Variants in DGKG observed in about 807,000 individuals in gnomAD.
DGKG encodes the protein diacylglycerol kinase gamma.
A neutral mutation model predicts 105.3 loss-of-function variants in DGKG; 78 were observed. The ratio of observed to expected loss-of-function variants is 0.74; its 90% CI spans 0.62 to 0.89. The LOEUF is 0.89. Ranked by LOEUF, DGKG falls within the 40% of genes least tolerant of loss-of-function variation. The pLI is 0.00. For missense variants in DGKG, 958 were observed against 1,020.1 expected (o/e 0.94, Z 0.83); for synonymous variants, 346 against 367.1 (o/e 0.94, Z 0.66).
chr3:186,257,906 A>G lies in DGKG; in HGVS notation c.1458T>C (p.Arg486=). 1 of 1,614,126 alleles carries G rather than the reference A, an allele frequency of 6.2e-7. No individual in the cohort carries two copies. The highest frequency in any genetic ancestry group is 8.5e-7 in the Non-Finnish European group (1 of 1,180,006). The change falls in exon 17 of 25, where the codon CGT becomes CGC. Residue 486 remains arginine, a synonymous_variant. Transcript: ENST00000265022. Reference sequence around the variant, plus strand: ...TCCCATCTCCACCACAGGCCAAAACACGGAAGTCTGGAGTATCACGGAAAA... The same window carrying G: ...TCCCATCTCCACCACAGGCCAAAACGCGGAAGTCTGGAGTATCACGGAAAA... ...LNFFRDTPDF[R]VLACGGDGTV...
chr3:186,150,024 TGTGTGTGA>T lies in DGKG; in HGVS notation c.*58_*65del. On this transcript the variant is annotated 3_prime_UTR_variant, in exon 25 of 25. Coordinates refer to ENST00000265022, the MANE Select transcript of DGKG (RefSeq NM_001346.3). ...TGCATGTGTGAGTGTGCACATAAAT[TGTGTGTGA>T]GTGTGCATTATAGTTTCTTGCTTTC... 6.4e-7 allele frequency: 1 copy of T among 1,553,356 alleles called. No homozygotes were observed. The highest frequency in any genetic ancestry group is 8.7e-7 in the Non-Finnish European group (1 of 1,148,206).
chr3:186,148,633 G>A lies in DGKG; in HGVS notation c.*1457C>T. 1.0e-6 allele frequency: 1 copy of A among 985,318 alleles called. No individual in the cohort carries two copies. Among genetic ancestry groups the A allele is most frequent in the Non-Finnish European group, 1.2e-6 (1 of 829,926 alleles). 61.0% of individuals were successfully genotyped at this position (985,318 alleles called of 1,614,324 possible). A position where few individuals can be genotyped will look rare whatever the true frequency, so the allele number is the denominator to read the frequency against. On this transcript the variant is annotated 3_prime_UTR_variant, in exon 25 of 25. Transcript: ENST00000265022. The stretch of plus-strand genomic sequence containing the variant: ...TCTTTGTAACGGCACCTACTCTCAA[G>A]CTGCATTAGCCAAGACACCATGGAA...
intron 20 of DGKG, among the ~76,000 whole-genome samples, chr3:186,235,162 C>T (rs762117124): frequency 3.3e-5 from 5 of 152,282 alleles, no homozygotes; most frequent in Middle Eastern, 3.4e-3. Context: ...GTAATTAAGT[C>T]AGTTGCTCTG....
chr3:186,301,251 T>TTGG (rs1356175995), intron 3 of DGKG, among the ~76,000 whole-genome samples: 1 of 152,214 alleles, frequency 6.6e-6, no homozygotes, highest in East Asian at 1.9e-4. Flanking sequence ...TGTCCATCTG[T>TTGG]TGGTCCTCCC....
chr3:186,245,974 A>AT (rs1720922925), intron 19 of DGKG, among the ~76,000 whole-genome samples: 1 of 152,132 alleles, frequency 6.6e-6, no homozygotes, highest in Non-Finnish European at 1.5e-5. Context: ...CAATTTTTAA[A>AT]TTTTTTTATT....
chr3:186,328,575 C>CTTTTTTTTTTTTTTTTT (rs34252507), intron 1 of DGKG, among the ~76,000 whole-genome samples: 2 of 141,124 alleles, frequency 1.4e-5, no homozygotes, highest in African/African-American at 2.6e-5. Context: ...CTACACCATT[C>CTTTTTTTTTTTTTTTTT]TTTTTTTTTT....
chr3:186,242,179 G>T (rs146419068), intron 20 of DGKG, among the ~76,000 whole-genome samples: 1 of 152,338 alleles, frequency 6.6e-6, no homozygotes, highest in East Asian at 1.9e-4. Context: ...GGAAGCAGCA[G>T]AGACTCAGGA....
At chr3:186,336,125 G>C (rs1246235130) in intron 1 of DGKG, among the ~76,000 whole-genome samples, 3 of 152,120 alleles carry the variant, frequency 2.0e-5, no homozygotes, top group Non-Finnish European at 2.9e-5. Flanking sequence ...ATACACAGTG[G>C]TACGGTATAA....
intron 21 of DGKG, among the ~76,000 whole-genome samples, chr3:186,209,257 A>C (rs1169563372): frequency 6.6e-6 from 1 of 151,778 alleles, no homozygotes; most frequent in African/African-American, 2.4e-5. Flanking sequence ...CCCACCACCC[A>C]CACCTGGCTA....
chr3:186,163,793 A>G (rs1256826811), intron 23 of DGKG, among the ~76,000 whole-genome samples: 2 of 152,104 alleles, frequency 1.3e-5, no homozygotes, highest in East Asian at 3.9e-4. Flanking sequence ...TGTGGTCTTC[A>G]TAAGTTATGG....
At chr3:186,347,189 C>T (rs1726377344) in intron 1 of DGKG, among the ~76,000 whole-genome samples, 1 of 151,990 alleles carries the variant, frequency 6.6e-6, no homozygotes, top group South Asian at 2.1e-4. Context: ...CGGCTCACCC[C>T]CGTAATCCTA....
rs1350511922 is a variant in DGKG at position 186,267,669 on chromosome 3, G to A, written c.1209+16C>T. ...CCCGGAGAAGCTACAGCCCTCGCCG[G>A]GGCAGGAGCACTTACCCGGGTGATG... On this transcript the variant is annotated intron_variant, in intron 13 of 24. Coordinates refer to ENST00000265022, the MANE Select transcript of DGKG (RefSeq NM_001346.3). 6.2e-7 allele frequency: 1 copy of A among 1,610,388 alleles called. No individual in the cohort carries two copies. Among genetic ancestry groups the A allele is most frequent in the East Asian group, 2.2e-5 (1 of 44,860 alleles).
At chr3:186,339,940 A>G (rs1726010021) in intron 1 of DGKG, among the ~76,000 whole-genome samples, 1 of 152,216 alleles carries the variant, frequency 6.6e-6, no homozygotes, top group African/African-American at 2.4e-5. Flanking sequence ...CATCTGGAAA[A>G]TGGGAATAGT....
intron 3 of DGKG, among the ~76,000 whole-genome samples, chr3:186,302,360 T>C (rs1186270789): frequency 1.3e-5 from 2 of 151,342 alleles, no homozygotes; most frequent in East Asian, 1.9e-4. Flanking sequence ...CATCAACTAC[T>C]ATGGGATCCA....
chr3:186,149,999 T>A lies in DGKG; in HGVS notation c.*91A>T, dbSNP rs1715680407. ...AAGAGTGTGTATGTGTGTGTGTGTGTGCATGTGTGAGTGTGCACATAAATT... is the reference window on the plus strand; with the variant it reads ...AAGAGTGTGTATGTGTGTGTGTGTGAGCATGTGTGAGTGTGCACATAAATT... On this transcript the variant is annotated 3_prime_UTR_variant, in exon 25 of 25. Transcript: ENST00000265022. 6.6e-7 allele frequency: 1 copy of A among 1,506,558 alleles called. No individual in the cohort carries two copies. Among genetic ancestry groups the A allele is most frequent in the African/African-American group, 1.4e-5 (1 of 71,092 alleles). 93.3% of individuals were successfully genotyped at this position (1,506,558 alleles called of 1,614,324 possible).
chr3:186,331,841 T>C (rs1464949219), intron 1 of DGKG, among the ~76,000 whole-genome samples: 1 of 152,244 alleles, frequency 6.6e-6, no homozygotes, highest in Non-Finnish European at 1.5e-5. Flanking sequence ...CCTCCATTTA[T>C]AGATTGCAAC....
intron 22 of DGKG, among the ~76,000 whole-genome samples, chr3:186,166,627 A>ATGTGTG (rs5855082): frequency 3.9e-4 from 58 of 149,808 alleles, no homozygotes; most frequent in African/African-American, 1.3e-3. Context: ...TGGGCTATAA[A>ATGTGTG]TGTGTGTGTG....
At chr3:186,222,923 G>T (rs1221044301) in intron 20 of DGKG, among the ~76,000 whole-genome samples, 1 of 148,714 alleles carries the variant, frequency 6.7e-6, no homozygotes, top group Non-Finnish European at 1.5e-5. Context: ...GGTGGCCACT[G>T]CACTCCAGCC....
At chr3:186,244,404 G>GT (rs1720837449) in intron 19 of DGKG, among the ~76,000 whole-genome samples, 2 of 139,886 alleles carry the variant, frequency 1.4e-5, no homozygotes, top group African/African-American at 6.0e-5. Context: ...TTTAGCTATT[G>GT]ATGTTTTTTT....
Sources: gnomAD v4.1 joint callset for allele counts (sites outside exome capture counted in the v4.1 genomes callset) on GRCh38, gnomAD v4.1.1 for gene constraint, MANE v1.5 for transcripts, NCBI Gene and HGNC (gene_info 2026-07-23, HGNC 2026-07-21) for gene names.